The following NRXN3 variants were observed in gnomAD, a reference collection of about 807,000 sequenced individuals.
The protein encoded by NRXN3 is neurexin III.
Under a neutral mutation model 137.6 loss-of-function variants are expected in NRXN3, and 32 were observed. The ratio of observed to expected loss-of-function variants is 0.23; its 90% confidence interval spans 0.18 to 0.31. The LOEUF (loss-of-function observed/expected upper bound fraction) is 0.31. NRXN3 is among the 10% of genes least tolerant of loss of function. The pLI, the probability that NRXN3 is intolerant of heterozygous loss-of-function variation, is 1.00. For synonymous variants in NRXN3, 798 were observed against 784.5 expected, an observed-to-expected ratio of 1.02 and a Z score of -0.29; for missense variants, 1,574 against 2,062.5, an observed-to-expected ratio of 0.76 and a Z score of 4.59.
intron 10 of NRXN3, among the ~76,000 whole-genome samples, chr14:78,905,547 T>C (rs1466792216): frequency 3.9e-5 from 6 of 152,050 alleles, no homozygotes; most frequent in Non-Finnish European, 1.5e-5. Flanking sequence ...AAAGTTGTAA[T>C]GTTGCTGTTC....
intron 4 of NRXN3, among the ~76,000 whole-genome samples, chr14:78,388,253 T>G (rs936017138): frequency 6.6e-6 from 1 of 152,202 alleles, no homozygotes; most frequent in Non-Finnish European, 1.5e-5. Context: ...TGACTCCAAG[T>G]GCGAGGCTCC....
intron 16 of NRXN3, among the ~76,000 whole-genome samples, chr14:79,472,096 G>A (rs577327206): frequency 5.9e-5 from 9 of 152,160 alleles, no homozygotes; most frequent in Non-Finnish European, 1.2e-4. Flanking sequence ...TGCAGTATTT[G>A]GTTTTCTGTT....
intron 20 of NRXN3, among the ~76,000 whole-genome samples, chr14:79,813,123 G>GT (rs1289940418): frequency 6.6e-6 from 1 of 152,146 alleles, no homozygotes; most frequent in Non-Finnish European, 1.5e-5. Flanking sequence ...CATCAGTCAT[G>GT]TGTTTACACA....
At chr14:78,178,744 T>C (rs2153346125) in intron 1 of NRXN3, among the ~76,000 whole-genome samples, 1 of 152,260 alleles carries the variant, frequency 6.6e-6, no homozygotes, top group Middle Eastern at 3.4e-3. Context: ...AAACTGGTGA[T>C]CAGAGGGGTT....
At chr14:78,914,012 A>G (rs2099248197) in intron 10 of NRXN3, among the ~76,000 whole-genome samples, 1 of 152,132 alleles carries the variant, frequency 6.6e-6, no homozygotes, top group African/African-American at 2.4e-5. Flanking sequence ...GAGTCTCTGA[A>G]CACTTCTTGA....
chr14:78,883,085 C>T (rs1255800110), intron 10 of NRXN3, among the ~76,000 whole-genome samples: 1 of 152,134 alleles, frequency 6.6e-6, no homozygotes, highest in Non-Finnish European at 1.5e-5. Flanking sequence ...CCCCTTCTGC[C>T]ATGATTGTAA....
chr14:79,272,873 T>G (rs1182472029), intron 15 of NRXN3, among the ~76,000 whole-genome samples: 1 of 152,096 alleles, frequency 6.6e-6, no homozygotes, highest in African/African-American at 2.4e-5. Context: ...CATTCCGTGA[T>G]TTGAAATTAT....
chr14:78,895,387 T>C (rs2099170505), intron 10 of NRXN3, among the ~76,000 whole-genome samples: 1 of 151,884 alleles, frequency 6.6e-6, no homozygotes, highest in Non-Finnish European at 1.5e-5. Context: ...CTTTAAACTT[T>C]TTTCTGCATC....
At position 79,163,909 on chromosome 14, in the gene NRXN3, TA is replaced by T. The variant is rs2061044658; in HGVS notation, c.3262+175769del. Among the ~76,000 whole-genome samples, 3 of 151,926 alleles carry T rather than the reference TA, an allele frequency of 2.0e-5. No individual in the cohort carries two copies. The South Asian group carries it at 6.2e-4, about 31-fold the overall frequency. On this transcript the variant is annotated intron_variant, in intron 15 of 20. Transcript: ENST00000335750. ...ATAATGCCAACAACAACAACAATAA[TA>T]TTTTCTTCCTCGTCTGTTTTTGTGT...
chr14:78,920,131 T>C (rs1414102130), intron 10 of NRXN3, among the ~76,000 whole-genome samples: 3 of 152,212 alleles, frequency 2.0e-5, no homozygotes, highest in Non-Finnish European at 1.5e-5. Context: ...CATCCTATCT[T>C]TGGTGTACCT....
Position 78,523,816 on chromosome 14 carries a change from C to CAAAAAAAAAAAAAAAAAAA in NRXN3, c.758-121293_758-121275dup, listed in dbSNP as rs56083130. ...TGGGTGACAGAGCAAGACTCTGTCT[C>CAAAAAAAAAAAAAAAAAAA]AAAAAAAAAAAAAAAAAAAAAAAAA... On this transcript the variant is annotated intron_variant, in intron 4 of 20. Coordinates refer to ENST00000335750, the MANE Select transcript of NRXN3 (RefSeq NM_001330195.2). 1.4e-3 allele frequency among the ~76,000 whole-genome samples: 84 copies of CAAAAAAAAAAAAAAAAAAA among 61,564 alleles called. 1 individual carries two copies. The highest frequency in any genetic ancestry group is 1.9e-3 in the Non-Finnish European group (71 of 37,994). 40.4% of individuals were successfully genotyped at this position (61,564 alleles called of 152,430 possible).
At chr14:78,423,846 A>G (rs2093556862) in intron 4 of NRXN3, among the ~76,000 whole-genome samples, 1 of 152,224 alleles carries the variant, frequency 6.6e-6, no homozygotes, top group South Asian at 2.1e-4. Flanking sequence ...TTATAGTATT[A>G]TTATGAAAGA....
chr14:78,573,694 G>C (rs1282978402), intron 4 of NRXN3, among the ~76,000 whole-genome samples: 1 of 152,172 alleles, frequency 6.6e-6, no homozygotes, highest in Non-Finnish European at 1.5e-5. Context: ...CAAAGATATG[G>C]TTTGGAATTG....
At chr14:78,625,413 T>C (rs1258656266) in intron 4 of NRXN3, among the ~76,000 whole-genome samples, 2 of 152,190 alleles carry the variant, frequency 1.3e-5, no homozygotes, top group East Asian at 3.9e-4. Context: ...AGTTGTGATT[T>C]TGGGTTTTGT....
chr14:79,326,647 T>G (rs1163018011), intron 15 of NRXN3, among the ~76,000 whole-genome samples: 1 of 152,214 alleles, frequency 6.6e-6, no homozygotes, highest in East Asian at 1.9e-4. Context: ...TTCATTCTCA[T>G]CTTTACTCTA....
chr14:79,793,765 T>C (rs1330149681), intron 19 of NRXN3, among the ~76,000 whole-genome samples: 2 of 152,252 alleles, frequency 1.3e-5, no homozygotes, highest in African/African-American at 4.8e-5. Flanking sequence ...AAATGTAAAT[T>C]AGCATGAATA....
At chr14:78,983,558 C>T (rs1160131886) in intron 14 of NRXN3, among the ~76,000 whole-genome samples, 1 of 151,894 alleles carries the variant, frequency 6.6e-6, no homozygotes, top group Non-Finnish European at 1.5e-5. Context: ...TTTTATTCAG[C>T]CTTAAAAAAA....
At position 78,533,015 on chromosome 14, in the gene NRXN3, C is replaced by T. The variant is rs570690027; in HGVS notation, c.758-112105C>T. ...CCTGTCCTCTCTATTTCTGCTACCACTGCCTATATTCTGAGCTTTGTTGTT... is the reference window on the plus strand; with the variant it reads ...CCTGTCCTCTCTATTTCTGCTACCATTGCCTATATTCTGAGCTTTGTTGTT... On this transcript the variant is annotated intron_variant, in intron 4 of 20. Transcript: ENST00000335750. Among the ~76,000 whole-genome samples the T allele has an allele frequency of 1.3e-4, 20 of 152,084 alleles. No homozygotes were observed. The South Asian group carries it at 4.2e-3, about 32-fold the overall frequency.
intron 6 of NRXN3, among the ~76,000 whole-genome samples, chr14:78,655,776 G>A (rs1306602379): frequency 6.6e-6 from 1 of 152,146 alleles, no homozygotes; most frequent in East Asian, 1.9e-4. Flanking sequence ...CTATTAAAAA[G>A]TATCATAGGC....
Sources: gnomAD v4.1 joint callset for allele counts (sites outside exome capture counted in the v4.1 genomes callset) on GRCh38, gnomAD v4.1.1 for gene constraint, MANE v1.5 for transcripts, NCBI Gene and HGNC (gene_info 2026-07-23, HGNC 2026-07-21) for gene names.